Variants in GFOD2 observed in about 807,000 individuals in gnomAD.
GFOD2 encodes the protein glucose-fructose oxidoreductase domain-containing protein 2.
A neutral mutation model predicts 24.6 loss-of-function variants in GFOD2; 9 were observed. That is an observed-to-expected ratio of 0.37 (90% CI 0.22 to 0.64). The LOEUF (loss-of-function observed/expected upper bound fraction) is 0.64. Among genes scored for constraint, GFOD2 ranks in the 30% least tolerant of loss-of-function variants. The probability of loss-of-function intolerance (pLI) is 0.65; values close to 1 mark genes in which losing one functional copy is unlikely to be tolerated. For missense variants in GFOD2, 476 were observed against 532.5 expected (o/e 0.89, Z 1.04); for synonymous variants, 211 against 224.8 (o/e 0.94, Z 0.55).
chr16:67,679,392 C>T (rs942889865), intron 2 of GFOD2, among the ~76,000 whole-genome samples: 1 of 151,752 alleles, frequency 6.6e-6, no homozygotes, highest in Non-Finnish European at 1.5e-5. Context: ...TGCCACCATG[C>T]CCAGCTAAGT....
In GFOD2 at chr16:67,675,168, C is replaced by T. The variant is rs768896072; in HGVS notation, c.1145G>A (p.Arg382Gln). The T allele has an allele frequency of 1.1e-4, 178 of 1,612,080 alleles. No individual in the cohort carries two copies. Among genetic ancestry groups the T allele is most frequent in the Non-Finnish European group, 1.4e-4 (161 of 1,178,912 alleles). The change falls in exon 3 of 3, where the codon CGG becomes CAG. Residue 382 changes from arginine (R) to glutamine (Q), a missense_variant. By Grantham distance (43) the Arg-to-Gln change is conservative. Transcript: ENST00000268797. Reference protein sequence around the residue: ...TNQNLCEALQRNNL With the variant: ...TNQNLCEALQQNNL ...CCAGGTGCAGGCTCATAGGTTGTTCCGCTGAAGTGCCTCACACAGGTTCTG... is the reference window on the plus strand; with the variant it reads ...CCAGGTGCAGGCTCATAGGTTGTTCTGCTGAAGTGCCTCACACAGGTTCTG...
chr16:67,687,485 C>A (rs953554132), intron 1 of GFOD2, among the ~76,000 whole-genome samples: 1 of 150,510 alleles, frequency 6.6e-6, no homozygotes, highest in African/African-American at 2.4e-5. Flanking sequence ...CTAAAAAATA[C>A]AAAAAATTAG....
chr16:67,694,179 TAG>T (rs2053339474), intron 1 of GFOD2, among the ~76,000 whole-genome samples: 1 of 152,118 alleles, frequency 6.6e-6, no homozygotes, highest in African/African-American at 2.4e-5. Flanking sequence ...GTATTTTTAG[TAG>T]AGACAGGGTT....
At chr16:67,691,517 C>CCA (rs2053314083) in intron 1 of GFOD2, among the ~76,000 whole-genome samples, 1 of 139,916 alleles carries the variant, frequency 7.1e-6, no homozygotes. Context: ...GACCCCCCCC[C>CCA]AAAAAAAAAA....
intron 1 of GFOD2, among the ~76,000 whole-genome samples, chr16:67,694,039 T>C (rs2053337776): frequency 6.6e-6 from 1 of 152,070 alleles, no homozygotes; most frequent in Non-Finnish European, 1.5e-5. Flanking sequence ...CAGGCTGGAA[T>C]GCAGTGGTGC....
At chr16:67,718,660 C>T (rs2053523324) in intron 1 of GFOD2, among the ~76,000 whole-genome samples, 1 of 152,216 alleles carries the variant, frequency 6.6e-6, no homozygotes, top group South Asian at 2.1e-4. Flanking sequence ...CTCGCACCTT[C>T]TGGGGTGTCC....
intron 2 of GFOD2, chr16:67,681,834 T>A: frequency 4.1e-6 from 4 of 985,208 alleles, no homozygotes; most frequent in Non-Finnish European, 4.8e-6. Context: ...GAAAGACATG[T>A]CTACCTGAGT....
At position 67,705,702 on chromosome 16, in the gene GFOD2, G is replaced by T. The variant is rs1222005231; in HGVS notation, c.-88+13461C>A. ...ACCTGTAATCCCAGCACTTTGGGAG[G>T]CCAAGGCGGGCGGATCACTTGAGGT... On this transcript the variant is annotated intron_variant, in intron 1 of 2. Transcript: ENST00000268797. Among the ~76,000 whole-genome samples, 5 of 152,128 alleles carry T rather than the reference G, an allele frequency of 3.3e-5. No homozygotes were observed. In the East Asian group the frequency reaches 9.8e-4, roughly 30 times the overall value.
Position 67,683,905 on chromosome 16 carries a change from T to C in GFOD2, c.259+1552A>G, listed in dbSNP as rs149561743. Reference sequence around the variant, plus strand: ...AAACAGTTACTCAGTCAAGTAAGTATGTGCTAGTTGAATTGTGACTATGTC... The same window carrying C: ...AAACAGTTACTCAGTCAAGTAAGTACGTGCTAGTTGAATTGTGACTATGTC... On this transcript the variant is annotated intron_variant, in intron 2 of 2. Transcript: ENST00000268797. The C allele has an allele frequency of 4.5e-6, 5 of 1,122,088 alleles. No individual in the cohort carries two copies. The African/African-American group carries it at 8.1e-5, about 18-fold the overall frequency. 69.5% of individuals were successfully genotyped at this position (1,122,088 alleles called of 1,614,324 possible).
chr16:67,686,183 C>T (rs2053264929), intron 1 of GFOD2, among the ~76,000 whole-genome samples: 1 of 152,062 alleles, frequency 6.6e-6, no homozygotes, highest in African/African-American at 2.4e-5. Context: ...ACCTGGGAGG[C>T]TGAGGTGAAA....
intron 1 of GFOD2, among the ~76,000 whole-genome samples, chr16:67,686,818 A>G (rs2053270327): frequency 6.6e-6 from 1 of 151,830 alleles, no homozygotes; most frequent in Non-Finnish European, 1.5e-5. Context: ...CCTGGGCGAC[A>G]AGAGTGAGAC....
intron 1 of GFOD2, among the ~76,000 whole-genome samples, chr16:67,704,353 C>A (rs1281218961): frequency 6.6e-6 from 1 of 152,168 alleles, no homozygotes; most frequent in East Asian, 1.9e-4. Flanking sequence ...TTACGTGCCC[C>A]GTGCTTTACA....
chr16:67,695,881 G>C (rs1192003207), intron 1 of GFOD2, among the ~76,000 whole-genome samples: 1 of 152,092 alleles, frequency 6.6e-6, no homozygotes, highest in African/African-American at 2.4e-5. Context: ...GGCTAAGGGA[G>C]TGAGACACAG....
chr16:67,705,487 C>T (rs758092076), intron 1 of GFOD2, among the ~76,000 whole-genome samples: 4 of 152,128 alleles, frequency 2.6e-5, no homozygotes, highest in East Asian at 3.9e-4. Flanking sequence ...AGAACACAGG[C>T]GTGAGCCACT....
intron 2 of GFOD2, chr16:67,681,408 G>C (rs1052311798): frequency 1.0e-6 from 1 of 985,230 alleles, no homozygotes. Context: ...CTCTCTTCTT[G>C]AATCTGAAAA....
intron 1 of GFOD2, among the ~76,000 whole-genome samples, chr16:67,695,415 C>T (rs1253403579): frequency 6.7e-6 from 1 of 150,334 alleles, no homozygotes; most frequent in African/African-American, 2.5e-5. Flanking sequence ...GGACTCCCTT[C>T]GGCTATTTGG....
chr16:67,682,715 C>T (rs1597792142), intron 2 of GFOD2: 2 of 985,110 alleles, frequency 2.0e-6, no homozygotes, highest in Middle Eastern at 5.2e-4. Flanking sequence ...GAAATGATCT[C>T]GTGGCCTTAG....
chr16:67,683,691 T>C, intron 2 of GFOD2: 2 of 1,230,910 alleles, frequency 1.6e-6, no homozygotes, highest in Non-Finnish European at 2.0e-6. Context: ...CCCTACCCAC[T>C]GAGCCAGAGG....
chr16:67,688,326 T>C (rs2053283769), intron 1 of GFOD2, among the ~76,000 whole-genome samples: 1 of 152,324 alleles, frequency 6.6e-6, no homozygotes, highest in South Asian at 2.1e-4. Flanking sequence ...CTGAATTTAT[T>C]GATTGCTGAG....
Sources: allele counts gnomAD v4.1 joint callset (sites outside exome capture counted in the v4.1 genomes callset), GRCh38; gene constraint gnomAD v4.1.1; transcripts MANE v1.5; gene names NCBI Gene and HGNC (gene_info 2026-07-23, HGNC 2026-07-21).